Variants in DYNLRB2 observed in about 807,000 individuals in gnomAD.
The protein encoded by DYNLRB2 is bithoraxoid-like protein.
In DYNLRB2, 14 loss-of-function variants were observed where a neutral mutation model predicts 12.6. That is an observed-to-expected ratio of 1.11 (90% CI 0.73 to 1.73). DYNLRB2 has a LOEUF of 1.73. Ranked by LOEUF, DYNLRB2 falls within the 40% of genes most tolerant of loss-of-function variation. The pLI, the probability that DYNLRB2 is intolerant of heterozygous loss-of-function variation, is 0.00. For synonymous variants in DYNLRB2, 53 were observed against 37.0 expected, an observed-to-expected ratio of 1.43 and a Z score of -1.57; for missense variants, 142 against 117.7, an observed-to-expected ratio of 1.21 and a Z score of -0.95.
rs190293954 is a variant in DYNLRB2 at position 80,548,821 on chromosome 16, A to G, written c.80-663A>G. The G allele has an allele frequency of 3.0e-5, 12 of 393,524 alleles. No individual in the cohort carries two copies. In the East Asian group the frequency reaches 8.6e-4, roughly 28 times the overall value. 24.4% of individuals were successfully genotyped at this position (393,524 alleles called of 1,614,324 possible). Reference sequence around the variant, plus strand: ...ACCACGGAATGCACAGCAAAACTACAATATCCTTATTACCACATTTTCTAA... The same window carrying G: ...ACCACGGAATGCACAGCAAAACTACGATATCCTTATTACCACATTTTCTAA... On this transcript the variant is annotated intron_variant, in intron 2 of 3. Coordinates refer to ENST00000305904, the MANE Select transcript of DYNLRB2 (RefSeq NM_130897.3).
At chr16:80,544,095 A>G (rs1304177024) in intron 2 of DYNLRB2, among the ~76,000 whole-genome samples, 4 of 152,182 alleles carry the variant, frequency 2.6e-5, no homozygotes, top group East Asian at 1.9e-4. Context: ...TTGTGGTGCA[A>G]CCATGGAATT....
rs965672255 is a variant in DYNLRB2, at chr16:80,542,787, C to T, written c.4-489C>T. On this transcript the variant is annotated intron_variant, in intron 1 of 3. Transcript: ENST00000305904. ...AGACTATCCTTTAAATTTAATCATC[C>T]GAACTGATTAGGTCACATTAATGAA... Among the ~76,000 whole-genome samples, 4 of 152,170 alleles carry T rather than the reference C, an allele frequency of 2.6e-5. No individual in the cohort carries two copies. The East Asian group carries it at 5.8e-4, about 22-fold the overall frequency.
intron 1 of DYNLRB2, among the ~76,000 whole-genome samples, chr16:80,542,207 G>C (rs1904294237): frequency 6.6e-6 from 1 of 152,144 alleles, no homozygotes; most frequent in African/African-American, 2.4e-5. Context: ...AATAACGTCA[G>C]GTTTCCATTT....
chr16:80,541,100 C>T (rs747195901), intron 1 of DYNLRB2, 21 bp downstream of exon 1: 3 of 1,595,538 alleles, frequency 1.9e-6, no homozygotes, highest in Non-Finnish European at 1.7e-6. Context: ...GGTCTCCGTC[C>T]ACGCCCCGCC....
chr16:80,547,954 T>A (rs1370361098), intron 2 of DYNLRB2: 1 of 326,112 alleles, frequency 3.1e-6, no homozygotes, highest in Non-Finnish European at 6.0e-6. Flanking sequence ...GAAAGAGAAA[T>A]CAGTCTTCAA....
intron 2 of DYNLRB2, among the ~76,000 whole-genome samples, chr16:80,548,483 G>A (rs922513325): frequency 6.6e-6 from 1 of 152,092 alleles, no homozygotes; most frequent in South Asian, 2.1e-4. Flanking sequence ...ACCCAGCACT[G>A]TGGGAGGCAT....
Position 80,543,311 on chromosome 16 carries a change from T to C in DYNLRB2, c.39T>C (p.Ser13=). The change falls in exon 2 of 4, where the codon AGT becomes AGC. Residue 13 remains serine, a synonymous_variant. Transcript: ENST00000305904. ...EVEETLKRIQ[S]HKGVIGTMVV... is the part of the protein sequence containing the mutation. ...AGGAAACCTTAAAGAGGATCCAGAG[T>C]CATAAAGGGGTTATTGGAACTATGG... 6.2e-7 allele frequency: 1 copy of C among 1,614,050 alleles called. No individual in the cohort carries two copies. Among genetic ancestry groups the C allele is most frequent in the Non-Finnish European group, 8.5e-7 (1 of 1,179,928 alleles).
chr16:80,549,726 G>GT, intron 3 of DYNLRB2, 75 bp downstream of exon 3: 4 of 1,412,268 alleles, frequency 2.8e-6, no homozygotes. Flanking sequence ...TCTATGAATG[G>GT]TAAGTACAGA....
At chr16:80,549,454 A>C in intron 2 of DYNLRB2, 30 bp from the exon 3 acceptor site, 1 of 1,549,024 alleles carries the variant, frequency 6.5e-7, no homozygotes, top group Non-Finnish European at 8.7e-7. Context: ...AATCAGAAAA[A>C]ATATTAACCA....
At chr16:80,540,739 T>C (rs1222560930), upstream of DYNLRB2, 2 of 702,678 alleles carry the variant, frequency 2.8e-6, no homozygotes, top group East Asian at 5.4e-5. Context: ...AATAAGTGGT[T>C]ATCACATTAA....
At chr16:80,540,982 C>T, upstream of DYNLRB2, 2 of 1,582,590 alleles carry the variant, frequency 1.3e-6, no homozygotes, top group Non-Finnish European at 1.7e-6. Flanking sequence ...CGTGGGGCCA[C>T]TTCCTTTTTT....
rs575252004 is a variant in DYNLRB2, at chr16:80,541,224, G to T, written c.3+145G>T. On this transcript the variant is annotated intron_variant, in intron 1 of 3. Transcript: ENST00000305904. ...TGGTGGCTCCAGGATCTTCCTGGAG[G>T]GGCGAGAGGGAGACCTTGGAAAGGG... 1.1e-3 allele frequency: 1,544 copies of T among 1,429,038 alleles called. 14 individuals are homozygous for T. The African/African-American group carries it at 0.018, about 17-fold the overall frequency. The allele number at this position is 1,429,038 out of a possible 1,614,324, so 88.5% of individuals were successfully genotyped here. A position where few individuals can be genotyped will look rare whatever the true frequency, so the allele number is the denominator to read the frequency against.
At position 80,550,677 on chromosome 16, in the gene DYNLRB2, A is replaced by G. The variant is rs1011574101; in HGVS notation, c.*119A>G. On this transcript the variant is annotated 3_prime_UTR_variant, in exon 4 of 4. Coordinates refer to ENST00000305904, the MANE Select transcript of DYNLRB2 (RefSeq NM_130897.3). ...TTCAAACATTCTTTTCTATTTCTAT[A>G]TCTAAACTGTTCTGCATGTCTCATT... is the stretch of plus-strand genomic sequence containing the variant. 9.7e-6 allele frequency: 11 copies of G among 1,133,538 alleles called. No homozygotes were observed. Among genetic ancestry groups the G allele is most frequent in the Non-Finnish European group, 1.5e-5 (11 of 753,996 alleles). The allele number at this position is 1,133,538 out of a possible 1,614,324, so 70.2% of individuals were successfully genotyped here.
chr16:80,540,924 G>C (rs1223139025), upstream of DYNLRB2: 1 of 1,415,884 alleles, frequency 7.1e-7, no homozygotes, highest in Non-Finnish European at 9.8e-7. Flanking sequence ...AGCGCGGTCA[G>C]GGCGAAAAAG....
chr16:80,543,916 T>C (rs926296986), intron 2 of DYNLRB2, among the ~76,000 whole-genome samples: 3 of 152,226 alleles, frequency 2.0e-5, no homozygotes, highest in Non-Finnish European at 4.4e-5. Context: ...ACGATCCTTG[T>C]TAAGAATCCA....
intron 3 of DYNLRB2, among the ~76,000 whole-genome samples, 154 bp downstream of exon 3, chr16:80,549,805 C>A (rs902163990): frequency 1.3e-5 from 2 of 152,112 alleles, no homozygotes; most frequent in African/African-American, 4.8e-5. Flanking sequence ...AAAATCCCAA[C>A]CAAAAAAATT....
At chr16:80,549,288 T>C (rs1904684572) in intron 2 of DYNLRB2, 196 bp from the exon 3 acceptor site, 2 of 545,180 alleles carry the variant, frequency 3.7e-6, no homozygotes, top group Non-Finnish European at 6.3e-6. Flanking sequence ...TAAATATAGT[T>C]TCACACAACT....
chr16:80,550,575 G>T lies in DYNLRB2; in HGVS notation c.*17G>T. ...TGTGAATAGACCTGCGATGGCCAAG[G>T]CTGTTTAAGCGACACTGGGTTGGAA... On this transcript the variant is annotated 3_prime_UTR_variant, in exon 4 of 4. Transcript: ENST00000305904. 1.9e-6 allele frequency: 3 copies of T among 1,614,090 alleles called. No individual in the cohort carries two copies. The highest frequency in any genetic ancestry group is 1.3e-5 in the African/African-American group (1 of 75,022).
At position 80,550,641 on chromosome 16, in the gene DYNLRB2, C is replaced by A. The variant is rs568028389; in HGVS notation, c.*83C>A. On this transcript the variant is annotated 3_prime_UTR_variant, in exon 4 of 4. Coordinates refer to ENST00000305904, the MANE Select transcript of DYNLRB2 (RefSeq NM_130897.3). ...ATGAGTATTAAAATTCTATTTCAAT[C>A]TAACTGACCCTTCAAACATTCTTTT... 4.3e-6 allele frequency: 6 copies of A among 1,397,466 alleles called. No individual in the cohort carries two copies. In the East Asian group the frequency reaches 1.1e-4, roughly 27 times the overall value. 86.6% of individuals were successfully genotyped at this position (1,397,466 alleles called of 1,614,324 possible).
Sources: allele counts gnomAD v4.1 joint callset (sites outside exome capture counted in the v4.1 genomes callset), GRCh38; gene constraint gnomAD v4.1.1; transcripts MANE v1.5; gene names NCBI Gene and HGNC (gene_info 2026-07-23, HGNC 2026-07-21).